The following ULK4 variants were observed in gnomAD, a reference collection of about 807,000 sequenced individuals.
ULK4 encodes unc-51 like kinase 4, also known as inactive serine/threonine-protein kinase ULK4.
Under a neutral mutation model 160.6 loss-of-function variants are expected in ULK4, and 133 were observed. That is an observed-to-expected ratio of 0.83 (90% CI 0.72 to 0.96). The LOEUF is 0.96. Among genes scored for constraint, ULK4 ranks in the 40% least tolerant of loss-of-function variants. The pLI is 0.00. For synonymous variants in ULK4, 534 were observed against 539.8 expected (o/e 0.99, Z 0.15); for missense variants, 1,580 against 1,499.5 (o/e 1.05, Z -0.89).
At chr3:41,579,287 G>A (rs576610471) in intron 31 of ULK4, among the ~76,000 whole-genome samples, 3 of 152,212 alleles carry the variant, frequency 2.0e-5, no homozygotes, top group African/African-American at 7.2e-5. Context: ...CAAAATGAGT[G>A]CTAAGAATGA....
intron 17 of ULK4, among the ~76,000 whole-genome samples, chr3:41,855,859 A>C (rs1230264117): frequency 6.6e-6 from 1 of 152,174 alleles, no homozygotes; most frequent in Non-Finnish European, 1.5e-5. Flanking sequence ...CTTACACTAC[A>C]TTCAAATATG....
At chr3:41,954,957 C>T in intron 1 of ULK4, 150 bp from the exon 2 acceptor site, 1 of 567,320 alleles carries the variant, frequency 1.8e-6, no homozygotes. Context: ...AATACTAATG[C>T]TGATATTTTT....
intron 32 of ULK4, among the ~76,000 whole-genome samples, chr3:41,487,290 T>C (rs1198182879): frequency 1.3e-5 from 2 of 152,102 alleles, no homozygotes; most frequent in African/African-American, 2.4e-5. Flanking sequence ...ATATAATTAA[T>C]ATTGGTGATC....
intron 31 of ULK4, among the ~76,000 whole-genome samples, chr3:41,602,968 C>G (rs183040891): frequency 2.0e-5 from 3 of 152,028 alleles, no homozygotes; most frequent in Non-Finnish European, 1.5e-5. Context: ...AAATGGCAGG[C>G]TTAATATGTA....
At chr3:41,570,919 C>T (rs946140654) in intron 31 of ULK4, among the ~76,000 whole-genome samples, 2 of 152,180 alleles carry the variant, frequency 1.3e-5, no homozygotes, top group African/African-American at 2.4e-5. Flanking sequence ...CTAAGGTACA[C>T]TCTGATTATC....
At chr3:41,801,554 G>C (rs183553399) in intron 19 of ULK4, among the ~76,000 whole-genome samples, 2 of 150,500 alleles carry the variant, frequency 1.3e-5, no homozygotes, top group East Asian at 3.9e-4. Context: ...AAGGAATAAA[G>C]AGAAAACCTT....
intron 22 of ULK4, among the ~76,000 whole-genome samples, chr3:41,723,933 G>T (rs2037560456): frequency 6.6e-6 from 1 of 152,196 alleles, no homozygotes; most frequent in Non-Finnish European, 1.5e-5. Context: ...TAGCCCAAGA[G>T]AAATAGCCAG....
chr3:41,273,769 G>A (rs1559499016), intron 35 of ULK4, among the ~76,000 whole-genome samples: 1 of 152,306 alleles, frequency 6.6e-6, no homozygotes, highest in Admixed American at 6.5e-5. Context: ...TATTCTAGCA[G>A]TAGTGAGTTC....
intron 21 of ULK4, among the ~76,000 whole-genome samples, chr3:41,787,022 C>T (rs1397437567): frequency 6.6e-6 from 1 of 152,060 alleles, no homozygotes; most frequent in Non-Finnish European, 1.5e-5. Flanking sequence ...TCTCTCAAAC[C>T]AAAGGACCAA....
At chr3:41,797,848 C>T (rs930364566) in intron 20 of ULK4, among the ~76,000 whole-genome samples, 2 of 147,998 alleles carry the variant, frequency 1.4e-5, no homozygotes, top group Non-Finnish European at 3.0e-5. Context: ...GTGACAAGAG[C>T]ACAACTCTAT....
At chr3:41,261,011 G>A (rs2078929958) in intron 35 of ULK4, among the ~76,000 whole-genome samples, 1 of 152,160 alleles carries the variant, frequency 6.6e-6, no homozygotes, top group African/African-American at 2.4e-5. Context: ...GAAGAAAACA[G>A]CAGATGACCT....
intron 35 of ULK4, among the ~76,000 whole-genome samples, chr3:41,377,585 A>G (rs2081536183): frequency 6.8e-6 from 1 of 146,590 alleles, no homozygotes; most frequent in Non-Finnish European, 1.5e-5. Flanking sequence ...ACACTTCTCA[A>G]AAGAAGACAT....
chr3:41,796,294 A>C (rs2040298963), intron 20 of ULK4, among the ~76,000 whole-genome samples: 1 of 152,166 alleles, frequency 6.6e-6, no homozygotes, highest in African/African-American at 2.4e-5. Flanking sequence ...ACAAACACAG[A>C]AAGAGGGAAG....
intron 14 of ULK4, 137 bp downstream of exon 14, chr3:41,898,295 C>A: frequency 1.7e-6 from 1 of 576,838 alleles, no homozygotes. Flanking sequence ...ATTCGTGTAA[C>A]ACTGCCCCAA....
intron 32 of ULK4, among the ~76,000 whole-genome samples, chr3:41,564,960 C>G (rs779092437): frequency 2.6e-5 from 4 of 152,124 alleles, no homozygotes; most frequent in Non-Finnish European, 5.9e-5. Flanking sequence ...TCTTTTATAT[C>G]ATATGTTTGC....
chr3:41,521,430 T>C (rs1458076118), intron 32 of ULK4, among the ~76,000 whole-genome samples: 1 of 151,820 alleles, frequency 6.6e-6, no homozygotes, highest in Non-Finnish European at 1.5e-5. Flanking sequence ...CAGATATGTA[T>C]AGTTCTCAAA....
At chr3:41,795,718 G>A (rs1365623081) in intron 20 of ULK4, among the ~76,000 whole-genome samples, 4 of 152,184 alleles carry the variant, frequency 2.6e-5, no homozygotes, top group Admixed American at 6.5e-5. Flanking sequence ...GTTTAAGCAG[G>A]TAAGAAGAAG....
At chr3:41,589,636 A>C (rs1342336877) in intron 31 of ULK4, among the ~76,000 whole-genome samples, 1 of 152,144 alleles carries the variant, frequency 6.6e-6, no homozygotes, top group Non-Finnish European at 1.5e-5. Flanking sequence ...TCCTAAAATA[A>C]AGGCACTTCT....
At chr3:41,793,474 C>G (rs150050437) in intron 20 of ULK4, among the ~76,000 whole-genome samples, 1,688 of 151,998 alleles carry the variant, frequency 0.011, 13 homozygotes, top group Non-Finnish European at 0.014. Context: ...ATGAAATTAC[C>G]CTGGGAGGTT....
Sources: gnomAD v4.1 joint callset for allele counts (sites outside exome capture counted in the v4.1 genomes callset) on GRCh38, gnomAD v4.1.1 for gene constraint, MANE v1.5 for transcripts, NCBI Gene and HGNC (gene_info 2026-07-23, HGNC 2026-07-21) for gene names.